Variants in GCNT1 observed in about 807,000 individuals in gnomAD.
GCNT1 encodes glucosaminyl (N-acetyl) transferase 1, also known as beta-1,3-galactosyl-O-glycosyl-glycoprotein beta-1,6-N-acetylglucosaminyltransferase.
Under a neutral mutation model 26.2 loss-of-function variants are expected in GCNT1, and 16 were observed. The observed-to-expected ratio is 0.61, with a 90% CI of 0.41 to 0.93. GCNT1 has a LOEUF of 0.93. Among genes scored for constraint, GCNT1 ranks in the 40% least tolerant of loss-of-function variants. The pLI is 0.00. For missense variants in GCNT1, 477 were observed against 526.7 expected (o/e 0.91, Z 0.92); for synonymous variants, 183 against 190.8 (o/e 0.96, Z 0.34).
intron 2 of GCNT1, among the ~76,000 whole-genome samples, chr9:76,482,498 C>T (rs540596394): frequency 5.3e-5 from 8 of 151,858 alleles, no homozygotes; most frequent in Non-Finnish European, 1.0e-4. Flanking sequence ...GTGGCAGGCG[C>T]CTGTAGTCCC....
intron 2 of GCNT1, among the ~76,000 whole-genome samples, chr9:76,473,781 T>G (rs894228713): frequency 2.0e-5 from 3 of 152,164 alleles, no homozygotes; most frequent in African/African-American, 7.2e-5. Context: ...TGTACTCTTC[T>G]GTGTCTCAGA....
intron 2 of GCNT1, among the ~76,000 whole-genome samples, chr9:76,486,108 T>A (rs548598749): frequency 6.6e-6 from 1 of 152,372 alleles, no homozygotes; most frequent in Admixed American, 6.5e-5. Context: ...GCCTAGCTCT[T>A]CTGCTTACTA....
the GCNT1 span, among the ~76,000 whole-genome samples, chr9:76,395,855 A>T: frequency 1.3e-5 from 2 of 152,176 alleles, no homozygotes; most frequent in Non-Finnish European, 2.9e-5. Context: ...TGTGTACAGG[A>T]TTCTCTCACT....
intron 2 of GCNT1, among the ~76,000 whole-genome samples, chr9:76,491,375 GCAATAA>G (rs1398488891): frequency 1.3e-5 from 2 of 152,198 alleles, no homozygotes; most frequent in Non-Finnish European, 2.9e-5. Context: ...TGCACTGCAT[GCAATAA>G]CTCCATGATT....
At chr9:76,406,684 G>T in the GCNT1 span, among the ~76,000 whole-genome samples, 2 of 151,988 alleles carry the variant, frequency 1.3e-5, no homozygotes, top group Non-Finnish European at 2.9e-5. Context: ...CTGGGCAACA[G>T]AGCGAGACTC....
At chr9:76,428,943 G>A (rs976550129) in intron 1 of GCNT1, among the ~76,000 whole-genome samples, 5 of 152,064 alleles carry the variant, frequency 3.3e-5, no homozygotes, top group Non-Finnish European at 5.9e-5. Context: ...CAGGTGATCT[G>A]TCTGCCTTGG....
At chr9:76,480,329 G>A (rs1056929106) in intron 2 of GCNT1, among the ~76,000 whole-genome samples, 4 of 152,070 alleles carry the variant, frequency 2.6e-5, no homozygotes, top group African/African-American at 9.7e-5. Flanking sequence ...GATTGACTTG[G>A]CAATGCGGGC....
At chr9:76,412,315 AT>A in the GCNT1 span, among the ~76,000 whole-genome samples, 3 of 152,192 alleles carry the variant, frequency 2.0e-5, no homozygotes, top group South Asian at 6.2e-4. Flanking sequence ...CCAATTAAAA[AT>A]TTTTTAAGTT....
At chr9:76,426,799 A>G (rs111646801) in intron 1 of GCNT1, among the ~76,000 whole-genome samples, 37 of 152,226 alleles carry the variant, frequency 2.4e-4, no homozygotes, top group African/African-American at 8.9e-4. Flanking sequence ...CGGGGGTGGC[A>G]GAGGGTAGGG....
intron 2 of GCNT1, among the ~76,000 whole-genome samples, chr9:76,465,365 CCT>C (rs1823972195): frequency 6.6e-6 from 1 of 152,124 alleles, no homozygotes; most frequent in African/African-American, 2.4e-5. Flanking sequence ...CTCAAGTGAT[CCT>C]CTCACCTCGG....
chr9:76,394,931 C>T, the GCNT1 span, among the ~76,000 whole-genome samples: 13 of 152,192 alleles, frequency 8.5e-5, no homozygotes, highest in Non-Finnish European at 1.5e-4. Context: ...CTACCAGAAG[C>T]GGTCGTCCTC....
chr9:76,435,737 C>T (rs1052041597), intron 1 of GCNT1, among the ~76,000 whole-genome samples: 12 of 152,182 alleles, frequency 7.9e-5, no homozygotes, highest in African/African-American at 2.7e-4. Context: ...AAAGCCCTAT[C>T]TCCAAATACA....
At chr9:76,467,396 G>A (rs1824025089) in intron 2 of GCNT1, among the ~76,000 whole-genome samples, 1 of 151,784 alleles carries the variant, frequency 6.6e-6, no homozygotes, top group African/African-American at 2.4e-5. Flanking sequence ...TCCTGGAGGG[G>A]AAGGACCTTT....
upstream of GCNT1, among the ~76,000 whole-genome samples, chr9:76,458,448 C>G (rs376462800): frequency 4.6e-5 from 7 of 152,216 alleles, no homozygotes; most frequent in East Asian, 5.8e-4. Context: ...TCCCAAAGTG[C>G]TGGGATTACA....
chr9:76,464,046 T>G (rs544665845), intron 2 of GCNT1, among the ~76,000 whole-genome samples: 24 of 151,452 alleles, frequency 1.6e-4, no homozygotes, highest in Admixed American at 4.6e-4. Flanking sequence ...TTGTTTTTTT[T>G]TTTTTTTGTA....
Position 76,466,994 on chromosome 9 carries a change from C to A in GCNT1, c.-290+6817C>A, listed in dbSNP as rs116984862. Among the ~76,000 whole-genome samples the A allele has an allele frequency of 2.9e-3, 442 of 152,214 alleles. 23 individuals are homozygous for A. The East Asian group carries it at 0.075, about 26-fold the overall frequency. Reference sequence around the variant, plus strand: ...CACTTTTTCTACAAATTGCTTCCTACCTTTGACCTTACAGGCTTGTTAACT... The same window carrying A: ...CACTTTTTCTACAAATTGCTTCCTAACTTTGACCTTACAGGCTTGTTAACT... On this transcript the variant is annotated intron_variant, in intron 2 of 3. Transcript: ENST00000376730.
chr9:76,470,145 A>C (rs1824098226), intron 2 of GCNT1, among the ~76,000 whole-genome samples: 2 of 152,168 alleles, frequency 1.3e-5, no homozygotes, highest in Admixed American at 6.5e-5. Context: ...GTGTAAATGT[A>C]ACTGTATAGA....
At chr9:76,422,699 C>A (rs566519664) in intron 1 of GCNT1, among the ~76,000 whole-genome samples, 1 of 152,194 alleles carries the variant, frequency 6.6e-6, no homozygotes, top group East Asian at 1.9e-4. Flanking sequence ...ACTACAGGTG[C>A]ATGCCACCAT....
At chr9:76,484,246 G>T (rs1360803153) in intron 2 of GCNT1, among the ~76,000 whole-genome samples, 1 of 151,898 alleles carries the variant, frequency 6.6e-6, no homozygotes, top group Non-Finnish European at 1.5e-5. Context: ...AAGCAGCCAG[G>T]TGCACCTGTG....
Sources: allele counts gnomAD v4.1 joint callset (sites outside exome capture counted in the v4.1 genomes callset), GRCh38; gene constraint gnomAD v4.1.1; transcripts MANE v1.5; gene names NCBI Gene and HGNC (gene_info 2026-07-23, HGNC 2026-07-21).